The following ZFPM2 variants were observed in gnomAD, a reference collection of about 807,000 sequenced individuals.
The protein encoded by ZFPM2 is zinc finger protein ZFPM2.
Under a neutral mutation model 98.6 loss-of-function variants are expected in ZFPM2, and 20 were observed. The ratio of observed to expected loss-of-function variants is 0.20; its 90% CI spans 0.14 to 0.29. ZFPM2 has a LOEUF of 0.29. ZFPM2 is among the 10% of genes least tolerant of loss of function. ZFPM2 has a pLI of 1.00. For missense variants in ZFPM2, 1,310 were observed against 1,388.6 expected (o/e 0.94, Z 0.90); for synonymous variants, 518 against 502.7 (o/e 1.03, Z -0.41).
rs377289975 is a variant in ZFPM2 at position 105,684,489 on chromosome 8, C to A, written c.532+50132C>A. 1.1e-4 allele frequency among the ~76,000 whole-genome samples: 17 copies of A among 151,784 alleles called. 2 individuals carry two copies. The highest frequency in any genetic ancestry group is 8.5e-4 in the Admixed American group (13 of 15,218). On this transcript the variant is annotated intron_variant, in intron 5 of 7. Coordinates refer to ENST00000407775, the MANE Select transcript of ZFPM2 (RefSeq NM_012082.4). ...GGTATGGGGAAAAGGTGGCAGGGAG[C>A]CAAAAGAAAATACTGCAATTTGGTT...
chr8:105,606,734 C>T (rs1196617164), intron 4 of ZFPM2, among the ~76,000 whole-genome samples: 1 of 151,870 alleles, frequency 6.6e-6, no homozygotes, highest in Non-Finnish European at 1.5e-5. Context: ...CGTGATATTG[C>T]CAAATAACAC....
chr8:105,586,002 GGTGTGTGT>G (rs142133685), intron 4 of ZFPM2, among the ~76,000 whole-genome samples: 15,692 of 142,778 alleles, frequency 0.11, 1,001 homozygotes, highest in Middle Eastern at 0.21. Flanking sequence ...GGGGGGAAGG[GGTGTGTGT>G]GTGTGTGTGT....
At chr8:105,597,849 C>A (rs1308475364) in intron 4 of ZFPM2, among the ~76,000 whole-genome samples, 1 of 151,982 alleles carries the variant, frequency 6.6e-6, no homozygotes, top group Non-Finnish European at 1.5e-5. Context: ...AGTACCGCTG[C>A]ACTATAACTA....
chr8:105,595,957 A>G (rs1370660164), intron 4 of ZFPM2, among the ~76,000 whole-genome samples: 1 of 151,708 alleles, frequency 6.6e-6, no homozygotes, highest in Admixed American at 6.6e-5. Context: ...TCAAAACCAT[A>G]TAAACTGAGA....
At chr8:105,420,773 T>C (rs1219743913) in intron 2 of ZFPM2, among the ~76,000 whole-genome samples, 1 of 152,152 alleles carries the variant, frequency 6.6e-6, no homozygotes. Flanking sequence ...TATTAGGAAA[T>C]ACATCCTTTT....
chr8:105,321,441 G>A (rs1271553579), intron 1 of ZFPM2, among the ~76,000 whole-genome samples: 1 of 152,118 alleles, frequency 6.6e-6, no homozygotes, highest in Admixed American at 6.6e-5. Flanking sequence ...TAATAAAACT[G>A]CATTTTAAAC....
intron 2 of ZFPM2, among the ~76,000 whole-genome samples, chr8:105,436,976 A>G (rs1277385197): frequency 6.6e-6 from 1 of 152,122 alleles, no homozygotes; most frequent in East Asian, 1.9e-4. Flanking sequence ...ATATAAATTA[A>G]ATTCTGTTCC....
intron 3 of ZFPM2, among the ~76,000 whole-genome samples, chr8:105,537,639 A>G (rs892985079): frequency 6.6e-6 from 1 of 152,184 alleles, no homozygotes; most frequent in Non-Finnish European, 1.5e-5. Context: ...CTATGATCAC[A>G]TCACTGCATT....
chr8:105,799,398 G>C (rs1048968573), intron 7 of ZFPM2, among the ~76,000 whole-genome samples: 4 of 152,120 alleles, frequency 2.6e-5, no homozygotes, highest in Admixed American at 1.3e-4. Flanking sequence ...TAAAATTACA[G>C]TTCAGGGATG....
chr8:105,654,736 G>A (rs1056873735), intron 5 of ZFPM2, among the ~76,000 whole-genome samples: 1 of 152,164 alleles, frequency 6.6e-6, no homozygotes, highest in African/African-American at 2.4e-5. Flanking sequence ...TAAAAGGTCT[G>A]TGTGGAAGGA....
chr8:105,454,657 G>A (rs1812552945), intron 3 of ZFPM2, among the ~76,000 whole-genome samples: 1 of 152,146 alleles, frequency 6.6e-6, no homozygotes, highest in Non-Finnish European at 1.5e-5. Context: ...CAAAATGCTG[G>A]TTTTCACATT....
At chr8:105,673,408 T>G (rs1470363025) in intron 5 of ZFPM2, among the ~76,000 whole-genome samples, 1 of 152,120 alleles carries the variant, frequency 6.6e-6, no homozygotes, top group African/African-American at 2.4e-5. Flanking sequence ...TAATAAGTTT[T>G]AAATCATTCA....
intron 1 of ZFPM2, among the ~76,000 whole-genome samples, chr8:105,379,589 A>C (rs1328460649): frequency 6.6e-6 from 1 of 152,086 alleles, no homozygotes; most frequent in Non-Finnish European, 1.5e-5. Context: ...CCCCATGTCT[A>C]CGAAAAACAC....
intron 4 of ZFPM2, among the ~76,000 whole-genome samples, chr8:105,600,201 A>G (rs1448342170): frequency 4.6e-5 from 7 of 152,162 alleles, no homozygotes; most frequent in Non-Finnish European, 1.0e-4. Context: ...TTCCTAAAAC[A>G]CAAAGTTGTA....
In ZFPM2 at chr8:105,344,835, A is replaced by G. The variant is rs1812487226; in HGVS notation, c.40+25854A>G. ...GCTGAGGAGTTTTATTATGAATTCA[A>G]TGATTTAGTTGAAGAAATCATTAAA... On this transcript the variant is annotated intron_variant, in intron 1 of 7. Transcript: ENST00000407775. Among the ~76,000 whole-genome samples, 4 of 152,170 alleles carry G rather than the reference A, an allele frequency of 2.6e-5. 1 individual carries two copies. In the South Asian group the frequency reaches 8.3e-4, roughly 31 times the overall value.
intron 5 of ZFPM2, among the ~76,000 whole-genome samples, chr8:105,692,947 T>G (rs1340857745): frequency 1.3e-5 from 2 of 152,180 alleles, no homozygotes; most frequent in African/African-American, 2.4e-5. Flanking sequence ...TTAAATGATG[T>G]TTCCAGAGAA....
intron 5 of ZFPM2, among the ~76,000 whole-genome samples, chr8:105,738,942 T>G (rs1812152101): frequency 6.6e-6 from 1 of 152,114 alleles, no homozygotes; most frequent in South Asian, 2.1e-4. Flanking sequence ...AGGTCTTCAT[T>G]CAGAACTCAT....
At position 105,670,800 on chromosome 8, in the gene ZFPM2, C is replaced by CT. The variant is rs546051470; in HGVS notation, c.532+36446dup. On this transcript the variant is annotated intron_variant, in intron 5 of 7. Coordinates refer to ENST00000407775, the MANE Select transcript of ZFPM2 (RefSeq NM_012082.4). ...GAAAAACCGGACCCATAGAGACTACCTTTAAAACCCTTTGTATTATAGCAT... is the reference window on the plus strand; with the variant it reads ...GAAAAACCGGACCCATAGAGACTACCTTTTAAAACCCTTTGTATTATAGCAT... Among the ~76,000 whole-genome samples the CT allele has an allele frequency of 2.4e-4, 36 of 152,312 alleles. 1 individual carries two copies. In the South Asian group the frequency reaches 7.4e-3, roughly 32 times the overall value.
At chr8:105,565,477 A>G (rs1815224663) in intron 4 of ZFPM2, among the ~76,000 whole-genome samples, 1 of 152,172 alleles carries the variant, frequency 6.6e-6, no homozygotes, top group South Asian at 2.1e-4. Context: ...TTCTTACACA[A>G]GTGCAAGAGA....
Sources: allele counts gnomAD v4.1 joint callset (sites outside exome capture counted in the v4.1 genomes callset), GRCh38; gene constraint gnomAD v4.1.1; transcripts MANE v1.5; gene names NCBI Gene and HGNC (gene_info 2026-07-23, HGNC 2026-07-21).